Variants in WDFY4 observed in about 807,000 individuals in gnomAD.
WDFY4 encodes the protein WDFY family member 4, also known as WD repeat- and FYVE domain-containing protein 4.
In WDFY4, 169 loss-of-function variants were observed where a neutral mutation model predicts 351.9. That is an observed-to-expected ratio of 0.48 (90% CI 0.42 to 0.55). The LOEUF is 0.55. Among genes scored for constraint, WDFY4 ranks in the 20% least tolerant of loss-of-function variants. The pLI is 0.00. For missense variants in WDFY4, 3,803 were observed against 3,935.6 expected, an observed-to-expected ratio of 0.97 and a Z score of 0.90; for synonymous variants, 1,622 against 1,574.6, an observed-to-expected ratio of 1.03 and a Z score of -0.71.
At chr10:48,736,376 A>T in intron 11 of WDFY4, 2 of 584,200 alleles carry the variant, frequency 3.4e-6, no homozygotes, top group Non-Finnish European at 6.1e-6. Context: ...GGAACTGCAT[A>T]AGGCATTTTC....
At chr10:48,704,268 C>T (rs531144443) in intron 1 of WDFY4, among the ~76,000 whole-genome samples, 1 of 152,306 alleles carries the variant, frequency 6.6e-6, no homozygotes, top group East Asian at 1.9e-4. Context: ...ACCTGGACCC[C>T]TGCCTGTGAC....
intron 2 of WDFY4, among the ~76,000 whole-genome samples, chr10:48,718,293 C>T (rs924307511): frequency 6.6e-6 from 1 of 152,152 alleles, no homozygotes; most frequent in East Asian, 1.9e-4. Context: ...ATATTTTCTC[C>T]CAATTTGTGG....
intron 47 of WDFY4, among the ~76,000 whole-genome samples, chr10:48,904,223 G>T (rs1406434024): frequency 6.6e-6 from 1 of 152,210 alleles, no homozygotes; most frequent in African/African-American, 2.4e-5. Context: ...TGGTCCAGGG[G>T]ACCCGGGCAG....
chr10:48,969,481 C>A (rs767515622), intron 56 of WDFY4, among the ~76,000 whole-genome samples: 3 of 152,186 alleles, frequency 2.0e-5, no homozygotes, highest in Non-Finnish European at 4.4e-5. Context: ...CTGTCACCTC[C>A]AGAGCAGAGG....
At position 48,823,785 on chromosome 10, in the gene WDFY4, C is replaced by T. The variant is rs556471549; in HGVS notation, c.5982+1248C>T. Reference sequence around the variant, plus strand: ...GGACCAGGCCTGAGGGCTCGGCTCCCCACATATCCACCAGCCTCCTCTCTT... The same window carrying T: ...GGACCAGGCCTGAGGGCTCGGCTCCTCACATATCCACCAGCCTCCTCTCTT... On this transcript the variant is annotated intron_variant, in intron 35 of 61. Coordinates refer to ENST00000325239, the MANE Select transcript of WDFY4 (RefSeq NM_001394531.1). 4.6e-5 allele frequency: 46 copies of T among 989,334 alleles called. No individual in the cohort carries two copies. In the African/African-American group the frequency reaches 7.7e-4, roughly 16 times the overall value. The allele number at this position is 989,334 out of a possible 1,614,324, so 61.3% of individuals were successfully genotyped here.
intron 13 of WDFY4, among the ~76,000 whole-genome samples, chr10:48,773,365 G>A (rs537055518): frequency 5.9e-5 from 9 of 152,266 alleles, no homozygotes; most frequent in African/African-American, 1.7e-4. Flanking sequence ...CACTTGATAC[G>A]ACATCTTATC....
chr10:48,856,569 G>A (rs2069141695), intron 39 of WDFY4, among the ~76,000 whole-genome samples: 1 of 152,076 alleles, frequency 6.6e-6, no homozygotes, highest in Non-Finnish European at 1.5e-5. Flanking sequence ...GTGCCATGGT[G>A]GTTTAAGGAA....
chr10:48,876,488 A>G (rs1014827112), intron 42 of WDFY4, among the ~76,000 whole-genome samples: 1 of 152,240 alleles, frequency 6.6e-6, no homozygotes, highest in Non-Finnish European at 1.5e-5. Flanking sequence ...AAATGTCATC[A>G]GAAGTATCTG....
In WDFY4 at chr10:48,817,270, C is replaced by A; in HGVS notation, c.5366C>A (p.Ala1789Asp). ...SQPLAGSEDGAWAQTFPASVL... is the reference protein window; with the variant it reads ...SQPLAGSEDGDWAQTFPASVL... ...CCCCTGGCAGGTTCTGAGGATGGTGCCTGGGCACAGACCTTCCCGGCCAGC... is the reference window on the plus strand; with the variant it reads ...CCCCTGGCAGGTTCTGAGGATGGTGACTGGGCACAGACCTTCCCGGCCAGC... Residue 1789 changes from alanine (A) to aspartate (D), a missense_variant, in exon 32 of 62, where the codon GCC becomes GAC. Around this residue, in one of 3 missense-constraint regions of WDFY4, gnomAD observed 3,054 missense variants for 3,148.6 expected, o/e 0.97. Coordinates refer to ENST00000325239, the MANE Select transcript of WDFY4 (RefSeq NM_001394531.1). 1 of 1,551,722 alleles carries A rather than the reference C, an allele frequency of 6.4e-7. No individual in the cohort carries two copies. The highest frequency in any genetic ancestry group is 8.7e-7 in the Non-Finnish European group (1 of 1,147,026).
intron 43 of WDFY4, among the ~76,000 whole-genome samples, chr10:48,880,288 G>A (rs919622804): frequency 6.6e-6 from 1 of 152,210 alleles, no homozygotes; most frequent in African/African-American, 2.4e-5. Context: ...GTCTCTGAGA[G>A]TCTTGTTTTT....
intron 54 of WDFY4, among the ~76,000 whole-genome samples, chr10:48,966,296 GA>G (rs1233742212): frequency 6.6e-6 from 1 of 152,178 alleles, no homozygotes; most frequent in African/African-American, 2.4e-5. Context: ...TTGGCAGGCA[GA>G]AGGGCTGCCT....
At chr10:48,811,426 C>T in intron 29 of WDFY4, 113 bp from the exon 30 acceptor site, 1 of 875,962 alleles carries the variant, frequency 1.1e-6, no homozygotes, top group Non-Finnish European at 1.7e-6. Flanking sequence ...TTTTATCATC[C>T]AGCATTTCTA....
At chr10:48,930,896 G>T (rs1839956181) in intron 47 of WDFY4, among the ~76,000 whole-genome samples, 2 of 152,146 alleles carry the variant, frequency 1.3e-5, no homozygotes, top group Admixed American at 1.3e-4. Context: ...TGGCACACAT[G>T]CACCCCCATA....
chr10:48,875,637 A>G (rs985382881), intron 42 of WDFY4, among the ~76,000 whole-genome samples: 9 of 152,004 alleles, frequency 5.9e-5, no homozygotes, highest in Non-Finnish European at 1.3e-4. Flanking sequence ...CTGGTCTCCA[A>G]CTCCTAAGCT....
intron 40 of WDFY4, among the ~76,000 whole-genome samples, chr10:48,870,179 T>C (rs899011402): frequency 6.6e-6 from 1 of 152,162 alleles, no homozygotes; most frequent in Non-Finnish European, 1.5e-5. Flanking sequence ...GGACTGAAAG[T>C]AGGGAAGGGC....
chr10:48,959,191 C>T (rs1841744037), intron 52 of WDFY4, among the ~76,000 whole-genome samples: 1 of 152,174 alleles, frequency 6.6e-6, no homozygotes, highest in South Asian at 2.1e-4. Context: ...CCTCATTCTA[C>T]TGTCAGGGGA....
chr10:48,728,296 A>G (rs1239974553), intron 7 of WDFY4, among the ~76,000 whole-genome samples: 4 of 152,230 alleles, frequency 2.6e-5, no homozygotes, highest in African/African-American at 9.6e-5. Flanking sequence ...GACACCGTTC[A>G]GCAGGGCCTG....
At position 48,916,248 on chromosome 10, in the gene WDFY4, G is replaced by T. The variant is rs535342702; in HGVS notation, c.7586+14385G>T. Among the ~76,000 whole-genome samples, 4 of 152,288 alleles carry T rather than the reference G, an allele frequency of 2.6e-5. No homozygotes were observed. The South Asian group carries it at 8.3e-4, about 32-fold the overall frequency. On this transcript the variant is annotated intron_variant, in intron 47 of 61. Coordinates refer to ENST00000325239, the MANE Select transcript of WDFY4 (RefSeq NM_001394531.1). Reference sequence around the variant, plus strand: ...AGGGCAGCCCAGAACACAAAACTTTGCACCAGATGAGGACAGAAAGATTTC... The same window carrying T: ...AGGGCAGCCCAGAACACAAAACTTTTCACCAGATGAGGACAGAAAGATTTC...
At chr10:48,707,103 A>ATTC (rs2063651894) in intron 1 of WDFY4, among the ~76,000 whole-genome samples, 1 of 152,256 alleles carries the variant, frequency 6.6e-6, no homozygotes, top group Non-Finnish European at 1.5e-5. Context: ...GGAAAAAATA[A>ATTC]GCAAAGGTTA....
Sources: gnomAD v4.1 joint callset for allele counts (sites outside exome capture counted in the v4.1 genomes callset) on GRCh38, gnomAD v4.1.1 for gene constraint, gnomAD v4.1.1 regional missense constraint, MANE v1.5 for transcripts, NCBI Gene and HGNC (gene_info 2026-07-23, HGNC 2026-07-21) for gene names.